The following ERC1 variants were observed in gnomAD, a reference collection of about 807,000 sequenced individuals.
ERC1 encodes RAB6 interacting protein 2.
A neutral mutation model predicts 132.0 loss-of-function variants in ERC1; 56 were observed. The observed-to-expected ratio is 0.42, with a 90% CI of 0.34 to 0.53. The LOEUF (loss-of-function observed/expected upper bound fraction) is 0.53. Among genes scored for constraint, ERC1 ranks in the 20% least tolerant of loss-of-function variants. ERC1 has a pLI of 0.03. For synonymous variants in ERC1, 478 were observed against 476.1 expected, an observed-to-expected ratio of 1.00 and a Z score of -0.05; for missense variants, 1,202 against 1,349.9, an observed-to-expected ratio of 0.89 and a Z score of 1.72.
At position 1,138,261 on chromosome 12, in the gene ERC1, A is replaced by G. The variant is rs1317058708; in HGVS notation, c.1570-3359A>G. ...ATAATTACAATATATGATATATATTATATAATATAATTACAATATATGATA... is the reference window on the plus strand; with the variant it reads ...ATAATTACAATATATGATATATATTGTATAATATAATTACAATATATGATA... On this transcript the variant is annotated intron_variant, in intron 7 of 18. Coordinates refer to ENST00000360905, the MANE Select transcript of ERC1 (RefSeq NM_178040.4). Among the ~76,000 whole-genome samples the G allele has an allele frequency of 2.0e-4, 27 of 134,088 alleles. 1 individual carries two copies. The highest frequency in any genetic ancestry group is 1.6e-4 in the Admixed American group (2 of 12,142). The allele number at this position is 134,088 out of a possible 152,430, so 88.0% of individuals were successfully genotyped here. A position where few individuals can be genotyped will look rare whatever the true frequency, so the allele number is the denominator to read the frequency against.
At chr12:1,484,080 C>T (rs112765829) in intron 18 of ERC1, among the ~76,000 whole-genome samples, 6,936 of 93,246 alleles carry the variant, frequency 0.074, 563 homozygotes, top group African/African-American at 0.29. Context: ...CTGAGGCGGG[C>T]GGATCACGAG....
chr12:1,320,471 A>G (rs1286812070), intron 15 of ERC1, among the ~76,000 whole-genome samples: 1 of 152,178 alleles, frequency 6.6e-6, no homozygotes, highest in Non-Finnish European at 1.5e-5. Context: ...ATTCCATAGT[A>G]TTATATTTAA....
At chr12:1,438,954 A>ATATATATATATATATATATAT (rs1555093208) in intron 17 of ERC1, among the ~76,000 whole-genome samples, 3 of 143,490 alleles carry the variant, frequency 2.1e-5, no homozygotes, top group African/African-American at 7.9e-5. Flanking sequence ...TTTAAAAAAA[A>ATATATATATATATATATATAT]ATATATATAT....
At chr12:1,203,820 C>G (rs567124975) in intron 12 of ERC1, 2 of 152,232 alleles carry the variant, frequency 1.3e-5, no homozygotes, top group Non-Finnish European at 2.9e-5. Flanking sequence ...TTTATATCTC[C>G]TACTGCTAAG....
At chr12:1,160,950 C>G (rs1566113390) in intron 8 of ERC1, among the ~76,000 whole-genome samples, 1 of 152,180 alleles carries the variant, frequency 6.6e-6, no homozygotes, top group Non-Finnish European at 1.5e-5. Context: ...GGACCACCAC[C>G]TACACATATT....
intron 12 of ERC1, among the ~76,000 whole-genome samples, chr12:1,227,616 T>G (rs1403332903): frequency 6.6e-6 from 1 of 152,202 alleles, no homozygotes; most frequent in Admixed American, 6.5e-5. Flanking sequence ...CTTTACTCTG[T>G]TGATTGCTTG....
At chr12:1,431,152 G>A (rs554988873) in intron 17 of ERC1, among the ~76,000 whole-genome samples, 2 of 152,302 alleles carry the variant, frequency 1.3e-5, no homozygotes, top group East Asian at 3.9e-4. Flanking sequence ...ATGCGCTGAT[G>A]CCGACTGAGA....
chr12:1,309,487 A>G (rs767154797), intron 15 of ERC1, among the ~76,000 whole-genome samples: 1 of 152,164 alleles, frequency 6.6e-6, no homozygotes, highest in Non-Finnish European at 1.5e-5. Flanking sequence ...AAGTGAGTAA[A>G]TCATATACTA....
At chr12:1,040,279 A>G (rs538606347) in intron 2 of ERC1, among the ~76,000 whole-genome samples, 1 of 150,416 alleles carries the variant, frequency 6.6e-6, no homozygotes, top group Admixed American at 6.6e-5. Flanking sequence ...GCTACCATAC[A>G]CATTTCTAAA....
At chr12:1,340,118 G>T (rs186174580) in intron 15 of ERC1, among the ~76,000 whole-genome samples, 1 of 152,218 alleles carries the variant, frequency 6.6e-6, no homozygotes, top group African/African-American at 2.4e-5. Context: ...TGCCAGTCAG[G>T]CATAGTTCCC....
At chr12:1,091,360 G>T (rs892513777) in intron 3 of ERC1, among the ~76,000 whole-genome samples, 2 of 152,160 alleles carry the variant, frequency 1.3e-5, no homozygotes, top group African/African-American at 4.8e-5. Flanking sequence ...CCCTTTCAGT[G>T]GAGATCTGAA....
At chr12:1,194,689 TACTC>T (rs1956055466) in intron 12 of ERC1, among the ~76,000 whole-genome samples, 1 of 152,182 alleles carries the variant, frequency 6.6e-6, no homozygotes, top group African/African-American at 2.4e-5. Flanking sequence ...GCAGCAGAAA[TACTC>T]AATTTTACTC....
At chr12:1,445,755 A>G (rs1340692022) in intron 18 of ERC1, among the ~76,000 whole-genome samples, 3 of 152,212 alleles carry the variant, frequency 2.0e-5, no homozygotes, top group African/African-American at 7.2e-5. Context: ...TTTATAAGGG[A>G]GAAGGCTAAG....
intron 17 of ERC1, among the ~76,000 whole-genome samples, 199 bp downstream of exon 17, chr12:1,408,446 C>A (rs1490780485): frequency 3.5e-5 from 5 of 144,910 alleles, no homozygotes; most frequent in Non-Finnish European, 6.0e-5. Flanking sequence ...ATTTTAAGAG[C>A]AGATACTTGA....
chr12:1,400,910 T>G, intron 16 of ERC1, among the ~76,000 whole-genome samples: 1 of 77,346 alleles, frequency 1.3e-5, no homozygotes, highest in Admixed American at 1.2e-4. Flanking sequence ...TTTTGGCTAT[T>G]TTTGTATTTT....
At chr12:1,236,999 T>C in intron 13 of ERC1, 95 bp downstream of exon 13, 1 of 1,449,208 alleles carries the variant, frequency 6.9e-7, no homozygotes, top group Non-Finnish European at 9.4e-7. Flanking sequence ...TCCTCTTTTT[T>C]CTCTTTCTAA....
rs1251106011 is a variant in ERC1 at position 1,493,799 on chromosome 12, C to G, written c.*3569C>G. 4.5e-6 allele frequency: 1 copy of G among 221,812 alleles called. No homozygotes were observed. The highest frequency in any genetic ancestry group is 2.3e-5 in the African/African-American group (1 of 44,412). 13.7% of individuals were successfully genotyped at this position (221,812 alleles called of 1,614,324 possible). A position where few individuals can be genotyped will look rare whatever the true frequency, so the allele number is the denominator to read the frequency against. ...TTGAAGTCTGGTTTTCCATGAGGAA[C>G]TTGCGGGCTCACCCACCCCCAGAGT... On this transcript the variant is annotated 3_prime_UTR_variant, in exon 19 of 19. Transcript: ENST00000360905.
At chr12:1,002,261 CCTT>C (rs974788563) in intron 1 of ERC1, among the ~76,000 whole-genome samples, 1 of 134,338 alleles carries the variant, frequency 7.4e-6, no homozygotes, top group African/African-American at 2.8e-5. Context: ...GCAGCCTTGA[CCTT>C]CTGGGCTCAA....
intron 13 of ERC1, among the ~76,000 whole-genome samples, chr12:1,243,838 T>G (rs1234767007): frequency 2.0e-5 from 3 of 152,182 alleles, no homozygotes; most frequent in Non-Finnish European, 2.9e-5. Context: ...TTAGAAACAC[T>G]TTGAATGCCA....
Sources: allele counts gnomAD v4.1 joint callset (sites outside exome capture counted in the v4.1 genomes callset), GRCh38; gene constraint gnomAD v4.1.1; transcripts MANE v1.5; gene names NCBI Gene and HGNC (gene_info 2026-07-23, HGNC 2026-07-21).